The following VAT1L variants were observed in gnomAD, a reference collection of about 807,000 sequenced individuals.
VAT1L encodes vesicle amine transport 1 like, also known as putative NADPH-dependent quinone oxidoreductase VAT1L.
A neutral mutation model predicts 44.1 loss-of-function variants in VAT1L; 34 were observed. The ratio of observed to expected loss-of-function variants is 0.77; its 90% CI spans 0.59 to 1.03. The LOEUF is 1.03. Among genes scored for constraint, VAT1L ranks in the 50% least tolerant of loss-of-function variants. VAT1L has a pLI of 0.00. For missense variants in VAT1L, 615 were observed against 538.8 expected (o/e 1.14, Z -1.40); for synonymous variants, 253 against 202.2 (o/e 1.25, Z -2.13).
At chr16:77,889,462 AAC>A (rs2017241144) in intron 7 of VAT1L, among the ~76,000 whole-genome samples, 1 of 152,200 alleles carries the variant, frequency 6.6e-6, no homozygotes. Context: ...AAGCAGCAGT[AAC>A]AGTGTTGAGA....
chr16:77,917,493 T>A (rs538907407), intron 7 of VAT1L, among the ~76,000 whole-genome samples: 1 of 152,348 alleles, frequency 6.6e-6, no homozygotes, highest in South Asian at 2.1e-4. Flanking sequence ...TCCCAATGAT[T>A]CCTGTTCAAC....
chr16:77,947,446 C>T (rs1027259417), intron 7 of VAT1L, among the ~76,000 whole-genome samples: 4 of 152,156 alleles, frequency 2.6e-5, no homozygotes, highest in African/African-American at 7.2e-5. Flanking sequence ...GGTCTCACCC[C>T]GCCAGCCTCC....
chr16:77,790,389 T>TC (rs1331761084), intron 1 of VAT1L, among the ~76,000 whole-genome samples: 1 of 152,006 alleles, frequency 6.6e-6, no homozygotes, highest in Non-Finnish European at 1.5e-5. Context: ...CGCAGCTAAA[T>TC]CCCCAAAGAC....
At chr16:77,852,719 C>A (rs2016819485) in intron 3 of VAT1L, among the ~76,000 whole-genome samples, 1 of 152,086 alleles carries the variant, frequency 6.6e-6, no homozygotes, top group Non-Finnish European at 1.5e-5. Flanking sequence ...AGGTGGTTCC[C>A]CTTCCTTCTC....
At chr16:77,931,276 G>C (rs2017728495) in intron 7 of VAT1L, among the ~76,000 whole-genome samples, 1 of 152,188 alleles carries the variant, frequency 6.6e-6, no homozygotes, top group South Asian at 2.1e-4. Flanking sequence ...AAGAATGTTG[G>C]AAATGAAAGG....
At chr16:77,933,855 G>A (rs774304870) in intron 7 of VAT1L, among the ~76,000 whole-genome samples, 5 of 152,210 alleles carry the variant, frequency 3.3e-5, no homozygotes, top group Non-Finnish European at 5.9e-5. Context: ...CATAGCCTAG[G>A]TCAGAGAAGT....
intron 7 of VAT1L, among the ~76,000 whole-genome samples, chr16:77,945,277 A>AATTTTTTTTTTTTT (rs1567517602): frequency 1.1e-4 from 1 of 9,292 alleles, no homozygotes; most frequent in Non-Finnish European, 3.2e-4. Flanking sequence ...AGATTGCAGA[A>AATTTTTTTTTTTTT]CTTTTTTTTT....
At chr16:77,846,535 T>C (rs575593799) in intron 3 of VAT1L, among the ~76,000 whole-genome samples, 9 of 152,274 alleles carry the variant, frequency 5.9e-5, no homozygotes, top group Admixed American at 1.3e-4. Context: ...TATGCAAACA[T>C]TGAGCATCAG....
intron 7 of VAT1L, among the ~76,000 whole-genome samples, chr16:77,944,764 T>G (rs1041916915): frequency 1.3e-5 from 2 of 152,318 alleles, no homozygotes; most frequent in Non-Finnish European, 1.5e-5. Flanking sequence ...TTAGGTCTAT[T>G]TTAGTTCCTT....
chr16:77,860,518 C>T lies in VAT1L; in HGVS notation c.580-2230C>T, dbSNP rs2016904864. 2.6e-5 allele frequency among the ~76,000 whole-genome samples: 4 copies of T among 152,150 alleles called. No homozygotes were observed. The South Asian group carries it at 8.3e-4, about 32-fold the overall frequency. ...AATAGTTGAATGAATAAATGAATAT[C>T]CTATTTGCCTAAGGACAGAGGGCGA... On this transcript the variant is annotated intron_variant, in intron 3 of 8. Transcript: ENST00000302536.
chr16:77,831,541 T>A (rs1352268729), intron 3 of VAT1L, among the ~76,000 whole-genome samples: 1 of 152,154 alleles, frequency 6.6e-6, no homozygotes, highest in Non-Finnish European at 1.5e-5. Flanking sequence ...AATTTAATCA[T>A]GATAAAACAT....
At chr16:77,888,969 G>A (rs968441918) in intron 7 of VAT1L, among the ~76,000 whole-genome samples, 5 of 152,190 alleles carry the variant, frequency 3.3e-5, no homozygotes, top group African/African-American at 1.2e-4. Context: ...CCGGCTTTCT[G>A]CAATATCTAC....
At chr16:77,915,356 A>G (rs1254159792) in intron 7 of VAT1L, among the ~76,000 whole-genome samples, 1 of 152,190 alleles carries the variant, frequency 6.6e-6, no homozygotes, top group African/African-American at 2.4e-5. Flanking sequence ...ATTTTTTCAG[A>G]GAGTCAGTTA....
chr16:77,827,741 A>AT (rs1356759710), intron 3 of VAT1L, among the ~76,000 whole-genome samples: 1 of 152,254 alleles, frequency 6.6e-6, no homozygotes, highest in African/African-American at 2.4e-5. Context: ...AGGGGTAACC[A>AT]TAACTAACAC....
At chr16:77,894,729 G>A (rs11150024) in intron 7 of VAT1L, among the ~76,000 whole-genome samples, 136,954 of 152,262 alleles carry the variant, frequency 0.9, 62,066 homozygotes, top group Non-Finnish European at 0.95. Context: ...ATATAAAGCC[G>A]ATATAGAGAT....
chr16:77,906,648 G>A (rs575177359), intron 7 of VAT1L, among the ~76,000 whole-genome samples: 1 of 152,302 alleles, frequency 6.6e-6, no homozygotes, highest in South Asian at 2.1e-4. Context: ...CTACGGAAAT[G>A]CAACTCAAAA....
chr16:77,970,075 A>G (rs2018263056), intron 7 of VAT1L, among the ~76,000 whole-genome samples: 1 of 132,282 alleles, frequency 7.6e-6, no homozygotes, highest in African/African-American at 2.9e-5. Flanking sequence ...AAAAAAAAAA[A>G]GGCAAAAAAT....
chr16:77,925,561 T>G (rs1242648903), intron 7 of VAT1L, among the ~76,000 whole-genome samples: 1 of 152,184 alleles, frequency 6.6e-6, no homozygotes, highest in Non-Finnish European at 1.5e-5. Context: ...ATTTCAGCTT[T>G]CCACGTTCTA....
intron 7 of VAT1L, among the ~76,000 whole-genome samples, chr16:77,899,212 C>A (rs977724950): frequency 1.3e-5 from 2 of 152,202 alleles, no homozygotes; most frequent in Non-Finnish European, 2.9e-5. Flanking sequence ...CAAGGTTACA[C>A]AGACAAAAAG....
Sources: gnomAD v4.1 joint callset for allele counts (sites outside exome capture counted in the v4.1 genomes callset) on GRCh38, gnomAD v4.1.1 for gene constraint, MANE v1.5 for transcripts, NCBI Gene and HGNC (gene_info 2026-07-23, HGNC 2026-07-21) for gene names.